The following HPSE2 variants were observed in gnomAD, a reference collection of about 807,000 sequenced individuals.
The protein encoded by HPSE2 is inactive heparanase-2.
HPSE2 carries 38 observed loss-of-function variants against 60.5 expected under a neutral mutation model. The observed-to-expected ratio is 0.63, with a 90% CI of 0.48 to 0.82. HPSE2 has a LOEUF of 0.82. HPSE2 is among the 40% of genes least tolerant of loss of function. The pLI, the probability that HPSE2 is intolerant of heterozygous loss-of-function variation, is 0.00. For synonymous variants in HPSE2, 295 were observed against 293.2 expected (o/e 1.01, Z -0.06); for missense variants, 713 against 740.4 (o/e 0.96, Z 0.43).
intron 3 of HPSE2, among the ~76,000 whole-genome samples, chr10:98,844,515 C>G (rs754490958): frequency 8.5e-5 from 13 of 152,098 alleles, no homozygotes; most frequent in Non-Finnish European, 1.5e-4. Context: ...GATCTGTGCA[C>G]AGGAAAGTTT....
At chr10:98,602,449 G>A (rs1945454591) in intron 9 of HPSE2, among the ~76,000 whole-genome samples, 1 of 152,120 alleles carries the variant, frequency 6.6e-6, no homozygotes, top group Non-Finnish European at 1.5e-5. Flanking sequence ...AAAACTGAAA[G>A]TAGTAACTAA....
intron 3 of HPSE2, among the ~76,000 whole-genome samples, chr10:98,831,315 T>A (rs1247366502): frequency 6.6e-6 from 1 of 152,128 alleles, no homozygotes; most frequent in Non-Finnish European, 1.5e-5. Flanking sequence ...GTGTGCTTCC[T>A]CCAAGGCAAG....
chr10:98,837,554 A>G (rs892705799), intron 3 of HPSE2, among the ~76,000 whole-genome samples: 1 of 152,176 alleles, frequency 6.6e-6, no homozygotes, highest in Non-Finnish European at 1.5e-5. Context: ...CTCAGGAGAG[A>G]GAAGAAATGG....
intron 2 of HPSE2, among the ~76,000 whole-genome samples, chr10:99,202,721 T>C (rs969211787): frequency 1.3e-5 from 2 of 152,118 alleles, no homozygotes; most frequent in Non-Finnish European, 2.9e-5. Context: ...AATAAGACTT[T>C]CCAGCACTCA....
intron 3 of HPSE2, among the ~76,000 whole-genome samples, chr10:98,763,629 C>T (rs560128061): frequency 7.0e-4 from 106 of 151,524 alleles, no homozygotes; most frequent in African/African-American, 2.4e-3. Flanking sequence ...ATTTTTCTGA[C>T]GAGAAAAGAG....
chr10:98,625,996 C>T (rs532221750), intron 7 of HPSE2, among the ~76,000 whole-genome samples: 2 of 151,816 alleles, frequency 1.3e-5, no homozygotes, highest in East Asian at 1.9e-4. Context: ...GTTCCAGCTA[C>T]TTGGGAGCCT....
At chr10:99,104,807 C>G (rs1257520905) in intron 3 of HPSE2, among the ~76,000 whole-genome samples, 1 of 151,846 alleles carries the variant, frequency 6.6e-6, no homozygotes, top group Non-Finnish European at 1.5e-5. Flanking sequence ...CAAACTATTG[C>G]AAGGACAAAA....
At position 99,058,835 on chromosome 10, in the gene HPSE2, G is replaced by T. The variant is rs781558167; in HGVS notation, c.610+85403C>A. Among the ~76,000 whole-genome samples, 64 of 152,094 alleles carry T rather than the reference G, an allele frequency of 4.2e-4. 1 individual carries two copies. Among genetic ancestry groups the T allele is most frequent in the Admixed American group, 1.7e-3 (26 of 15,260 alleles). On this transcript the variant is annotated intron_variant, in intron 3 of 11. Coordinates refer to ENST00000370552, the MANE Select transcript of HPSE2 (RefSeq NM_021828.5). ...AGAGCTTACTTGGAAATGGGGGCAA[G>T]GGAAGAAATAAAAGGTAACAGGAAA...
intron 9 of HPSE2, among the ~76,000 whole-genome samples, chr10:98,600,944 AAG>A (rs1945406791): frequency 3.7e-5 from 1 of 27,226 alleles, no homozygotes; most frequent in Non-Finnish European, 1.1e-4. Context: ...TATATATAGA[AAG>A]AGAGAAAGAG....
intron 6 of HPSE2, among the ~76,000 whole-genome samples, chr10:98,655,860 C>T (rs514113): frequency 9.9e-5 from 15 of 152,056 alleles, no homozygotes; most frequent in Admixed American, 3.9e-4. Context: ...AAGATGCTTT[C>T]TAAGGCCCTT....
intron 2 of HPSE2, among the ~76,000 whole-genome samples, chr10:99,193,107 A>C (rs1368026091): frequency 2.0e-5 from 3 of 152,210 alleles, no homozygotes; most frequent in Non-Finnish European, 4.4e-5. Context: ...TAGACAGTAC[A>C]ATAGGATATG....
At chr10:99,275,343 T>A in the HPSE2 span, among the ~76,000 whole-genome samples, 1 of 152,188 alleles carries the variant, frequency 6.6e-6, no homozygotes, top group African/African-American at 2.4e-5. Context: ...CAGGTGCTCA[T>A]GCAGATGGCA....
At chr10:99,213,950 CAT>C (rs1343566137) in intron 2 of HPSE2, among the ~76,000 whole-genome samples, 1 of 152,090 alleles carries the variant, frequency 6.6e-6, no homozygotes, top group African/African-American at 2.4e-5. Context: ...TTTTGTAAAT[CAT>C]ATGTTTGATA....
At chr10:98,531,455 C>T (rs1182487818) in intron 9 of HPSE2, among the ~76,000 whole-genome samples, 1 of 152,200 alleles carries the variant, frequency 6.6e-6, no homozygotes, top group African/African-American at 2.4e-5. Flanking sequence ...GGGTGTCTTC[C>T]AGCCATCCAC....
At chr10:98,679,594 C>A (rs551679253) in intron 6 of HPSE2, among the ~76,000 whole-genome samples, 1 of 152,012 alleles carries the variant, frequency 6.6e-6, no homozygotes, top group African/African-American at 2.4e-5. Context: ...CTGCTATAAC[C>A]AGTATAAGCT....
intron 9 of HPSE2, among the ~76,000 whole-genome samples, chr10:98,542,086 G>A (rs1196639007): frequency 6.6e-6 from 1 of 151,744 alleles, no homozygotes; most frequent in Non-Finnish European, 1.5e-5. Context: ...CCCAGTAGGG[G>A]CAGACTGACA....
intron 2 of HPSE2, among the ~76,000 whole-genome samples, chr10:99,181,544 T>C (rs948305440): frequency 2.0e-5 from 3 of 152,088 alleles, no homozygotes; most frequent in East Asian, 3.9e-4. Flanking sequence ...TGGAATACTA[T>C]GCAGCCATAA....
In HPSE2 at chr10:99,213,184, A is replaced by AAAT. The variant is rs373415072; in HGVS notation, c.448+19161_448+19163dup. ...AAAACTGAGTCTCAAAATAAGAATG[A>AAAT]AATTTTTTTTCTACCTTAAGAAAAA... is the stretch of plus-strand genomic sequence containing the variant. On this transcript the variant is annotated intron_variant, in intron 2 of 11. Transcript: ENST00000370552. Among the ~76,000 whole-genome samples, 380 of 152,288 alleles carry AAAT rather than the reference A, an allele frequency of 2.5e-3. 1 individual carries two copies. Among genetic ancestry groups the AAAT allele is most frequent in the African/African-American group, 8.6e-3 (359 of 41,572 alleles).
At chr10:99,250,977 C>A in the HPSE2 span, among the ~76,000 whole-genome samples, 1 of 151,942 alleles carries the variant, frequency 6.6e-6, no homozygotes, top group Non-Finnish European at 1.5e-5. Context: ...CCAAAGCTAG[C>A]AGAAGAAAAG....
Sources: allele counts gnomAD v4.1 joint callset (sites outside exome capture counted in the v4.1 genomes callset), GRCh38; gene constraint gnomAD v4.1.1; transcripts MANE v1.5; gene names NCBI Gene and HGNC (gene_info 2026-07-23, HGNC 2026-07-21).